FAM53A: variants seen among roughly 807,000 people sequenced by gnomAD.
FAM53A encodes the protein family with sequence similarity 53 member A.
Under a neutral mutation model 26.6 loss-of-function variants are expected in FAM53A, and 28 were observed. That is an observed-to-expected ratio of 1.05 (90% confidence interval 0.78 to 1.45). The LOEUF (loss-of-function observed/expected upper bound fraction) is 1.45, where lower values mean the gene tolerates loss of function less well. FAM53A is among the 40% of genes most tolerant of loss of function. FAM53A has a pLI of 0.00. For synonymous variants in FAM53A, 290 were observed against 253.1 expected, an observed-to-expected ratio of 1.15 and a Z score of -1.38; for missense variants, 650 against 575.8, an observed-to-expected ratio of 1.13 and a Z score of -1.32.
chr4:1,683,547 G>C (rs1715602008), intron 1 of FAM53A: 1 of 152,232 alleles, frequency 6.6e-6, no homozygotes, highest in Non-Finnish European at 1.5e-5. Flanking sequence ...CATTCTTGAA[G>C]CCAAACTCAT....
chr4:1,619,273 G>A (rs1298815179), intron 1 of FAM53A, among the ~76,000 whole-genome samples: 3 of 152,190 alleles, frequency 2.0e-5, no homozygotes, highest in South Asian at 2.1e-4. Context: ...ACCACTGCCC[G>A]GGGCTGGGCA....
Position 1,680,818 on chromosome 4 carries a change from C to A in FAM53A, c.-165+3415G>T, listed in dbSNP as rs576471042. ...CAAACAAAAAAAAAACCGTGGCTGC[C>A]AGGGGCCAGGGGTAGAGAGAGGTGA... On this transcript the variant is annotated intron_variant, in intron 1 of 4. Transcript: ENST00000308132. Among the ~76,000 whole-genome samples the A allele has an allele frequency of 1.4e-3, 214 of 152,032 alleles. 1 individual carries two copies. Among genetic ancestry groups the A allele is most frequent in the Non-Finnish European group, 2.3e-3 (156 of 67,974 alleles).
chr4:1,618,889 G>A (rs545551733), intron 1 of FAM53A, among the ~76,000 whole-genome samples: 18 of 152,226 alleles, frequency 1.2e-4, no homozygotes, highest in Non-Finnish European at 2.4e-4. Flanking sequence ...ACGGCCCCCC[G>A]AGGGCTCAGG....
intron 4 of FAM53A, among the ~76,000 whole-genome samples, chr4:1,653,423 T>C (rs1713052355): frequency 6.6e-6 from 1 of 152,170 alleles, no homozygotes; most frequent in East Asian, 1.9e-4. Context: ...AATACGTCGC[T>C]GGCACCATCA....
chr4:1,647,329 C>A (rs1712335536), intron 4 of FAM53A, among the ~76,000 whole-genome samples: 1 of 149,042 alleles, frequency 6.7e-6, no homozygotes, highest in South Asian at 2.1e-4. Flanking sequence ...AGCGAGACTC[C>A]ATCTCGGGAA....
intron 1 of FAM53A, chr4:1,618,232 G>C (rs540532997): frequency 4.5e-6 from 2 of 442,702 alleles, no homozygotes; most frequent in Non-Finnish European, 9.1e-6. Context: ...GGCCCATCAC[G>C]GCAGGGGTGC....
intron 1 of FAM53A, chr4:1,683,982 C>A (rs1019942817): frequency 2.0e-5 from 3 of 152,216 alleles, no homozygotes; most frequent in African/African-American, 7.2e-5. Flanking sequence ...GCCTCTCGCG[C>A]CACCGAACCA....
intron 2 of FAM53A, among the ~76,000 whole-genome samples, chr4:1,665,880 T>C (rs2108981695): frequency 6.6e-6 from 1 of 152,068 alleles, no homozygotes; most frequent in African/African-American, 2.4e-5. Context: ...GGTACTGTGC[T>C]CACAACCCGA....
At position 1,641,260 on chromosome 4, in the gene FAM53A, G is replaced by T. The variant is rs763339855; in HGVS notation, c.*33C>A. On this transcript the variant is annotated 3_prime_UTR_variant, in exon 5 of 5. Transcript: ENST00000308132. ...TCTGTGCCCCAGGGCAGGTGCAGGC[G>T]GCAGCCATGGCCCCGACCAGCCCCC... The T allele has an allele frequency of 3.1e-6, 5 of 1,609,408 alleles. No individual in the cohort carries two copies. The Admixed American group carries it at 8.4e-5, about 27-fold the overall frequency.
At chr4:1,661,684 C>T (rs1443022104) in intron 2 of FAM53A, among the ~76,000 whole-genome samples, 1 of 147,054 alleles carries the variant, frequency 6.8e-6, no homozygotes, top group African/African-American at 2.5e-5. Context: ...GCCACCATTA[C>T]ACCTCCAACC....
At chr4:1,593,688 G>C in the FAM53A span, among the ~76,000 whole-genome samples, 1 of 152,046 alleles carries the variant, frequency 6.6e-6, no homozygotes, top group African/African-American at 2.4e-5. Flanking sequence ...AGCGGCTGCC[G>C]GGGTATAAAT....
the FAM53A span, among the ~76,000 whole-genome samples, chr4:1,607,707 G>C: frequency 6.6e-6 from 1 of 152,162 alleles, no homozygotes; most frequent in Non-Finnish European, 1.5e-5. Context: ...TTGGGAGGCC[G>C]AGGTGGGCGG....
intron 1 of FAM53A, among the ~76,000 whole-genome samples, chr4:1,669,600 C>A (rs577077873): frequency 6.6e-6 from 1 of 152,228 alleles, no homozygotes; most frequent in Admixed American, 6.5e-5. Context: ...CAAACTGCCC[C>A]GGCTTTGACC....
chr4:1,589,995 G>T, the FAM53A span, among the ~76,000 whole-genome samples: 2 of 151,758 alleles, frequency 1.3e-5, no homozygotes, highest in African/African-American at 4.8e-5. Context: ...ATTTATTTTT[G>T]ACTTTTGTTT....
chr4:1,646,655 G>C (rs1712273882), intron 4 of FAM53A, among the ~76,000 whole-genome samples: 1 of 152,140 alleles, frequency 6.6e-6, no homozygotes, highest in Admixed American at 6.5e-5. Context: ...CTAAACCCAA[G>C]ACCTCCAAAA....
chr4:1,589,671 A>G, the FAM53A span, among the ~76,000 whole-genome samples: 1 of 152,144 alleles, frequency 6.6e-6, no homozygotes, highest in African/African-American at 2.4e-5. Flanking sequence ...ATATTTTTAC[A>G]GAAATGTATT....
At chr4:1,642,351 C>T (rs914101955) in intron 4 of FAM53A, among the ~76,000 whole-genome samples, 2 of 152,190 alleles carry the variant, frequency 1.3e-5, no homozygotes, top group African/African-American at 4.8e-5. Flanking sequence ...ACGCCCAGGC[C>T]TGTCCACAGC....
chr4:1,602,012 C>T, the FAM53A span, among the ~76,000 whole-genome samples: 23 of 25,806 alleles, frequency 8.9e-4, no homozygotes, highest in Admixed American at 3.8e-3. Context: ...GGAGGTAGGA[C>T]GGGGGAGGTG....
rs374315764 is a variant in FAM53A at position 1,677,802 on chromosome 4, G to A, written c.-165+6431C>T. 2.0e-3 allele frequency among the ~76,000 whole-genome samples: 308 copies of A among 152,192 alleles called. 1 individual carries two copies. The highest frequency in any genetic ancestry group is 7.1e-3 in the African/African-American group (296 of 41,534). On this transcript the variant is annotated intron_variant, in intron 1 of 4. Transcript: ENST00000308132. ...TCTACTAAAAATACAAAAATTAGCC[G>A]AGCGTGGTAGCAGGCGCCTATAATC...
Sources: allele counts gnomAD v4.1 joint callset (sites outside exome capture counted in the v4.1 genomes callset), GRCh38; gene constraint gnomAD v4.1.1; transcripts MANE v1.5; gene names NCBI Gene and HGNC (gene_info 2026-07-23, HGNC 2026-07-21).